Variants in DLG5 observed in about 807,000 individuals in gnomAD.
DLG5 encodes discs large MAGUK scaffold protein 5.
Under a neutral mutation model 189.8 loss-of-function variants are expected in DLG5, and 48 were observed. The ratio of observed to expected loss-of-function variants is 0.25; its 90% CI spans 0.20 to 0.32. The LOEUF is 0.32. Among genes scored for constraint, DLG5 ranks in the 10% least tolerant of loss-of-function variants. The pLI, the probability that DLG5 is intolerant of heterozygous loss-of-function variation, is 1.00. For synonymous variants in DLG5, 1,016 were observed against 1,054.1 expected (o/e 0.96, Z 0.70); for missense variants, 2,160 against 2,544.7 (o/e 0.85, Z 3.25).
chr10:77,939,286 C>A, the DLG5 span, among the ~76,000 whole-genome samples: 1 of 152,100 alleles, frequency 6.6e-6, no homozygotes, highest in African/African-American at 2.4e-5. Context: ...GCCCTGCCTG[C>A]CCTGCCGGTG....
chr10:77,889,743 T>C (rs757546423), intron 1 of DLG5, among the ~76,000 whole-genome samples: 2 of 152,058 alleles, frequency 1.3e-5, no homozygotes, highest in African/African-American at 4.8e-5. Context: ...CCCTCTGACA[T>C]TGGAGGGCAA....
At chr10:77,849,752 G>A (rs905732028) in intron 5 of DLG5, among the ~76,000 whole-genome samples, 1 of 152,260 alleles carries the variant, frequency 6.6e-6, no homozygotes, top group Admixed American at 6.5e-5. Flanking sequence ...AGGGGTGGGA[G>A]GGAGACCTCA....
chr10:77,936,209 G>T, the DLG5 span, among the ~76,000 whole-genome samples: 1 of 152,160 alleles, frequency 6.6e-6, no homozygotes, highest in African/African-American at 2.4e-5. Flanking sequence ...GGAGGCCAAG[G>T]CAGGTGGATC....
intron 2 of DLG5, chr10:77,868,126 C>T (rs1844760142): frequency 2.2e-6 from 1 of 455,374 alleles, no homozygotes; most frequent in South Asian, 1.5e-5. Context: ...CTTCTGTCCT[C>T]CAGAACTGTG....
intron 1 of DLG5, among the ~76,000 whole-genome samples, chr10:77,919,711 G>A (rs1276608231): frequency 1.3e-5 from 2 of 150,854 alleles, no homozygotes; most frequent in African/African-American, 4.9e-5. Context: ...CAGCGTGGGT[G>A]CTCCACATGG....
At chr10:77,858,812 T>C (rs1844357210) in intron 2 of DLG5, among the ~76,000 whole-genome samples, 1 of 152,164 alleles carries the variant, frequency 6.6e-6, no homozygotes, top group South Asian at 2.1e-4. Flanking sequence ...AAAAAGCCTA[T>C]AGAATAAGGA....
chr10:77,918,402 ACT>A (rs570223633), intron 1 of DLG5, among the ~76,000 whole-genome samples: 66 of 151,618 alleles, frequency 4.4e-4, no homozygotes, highest in African/African-American at 1.4e-3. Context: ...ACAGAGTGAG[ACT>A]CTGTATCAAA....
chr10:77,832,965 G>C (rs1483856837), intron 9 of DLG5, among the ~76,000 whole-genome samples: 1 of 152,022 alleles, frequency 6.6e-6, no homozygotes, highest in East Asian at 1.9e-4. Flanking sequence ...TTACTGAATG[G>C]GAAAGAAGAG....
chr10:77,915,198 G>C (rs934128875), intron 1 of DLG5, among the ~76,000 whole-genome samples: 1 of 152,050 alleles, frequency 6.6e-6, no homozygotes, highest in East Asian at 1.9e-4. Context: ...GCAGTGGCAG[G>C]CACCTGTAAT....
chr10:77,817,045 G>A lies in DLG5; in HGVS notation c.3836C>T (p.Thr1279Ile), dbSNP rs1187316993. The A allele has an allele frequency of 1.2e-6, 2 of 1,614,206 alleles. No homozygotes were observed. The highest frequency in any genetic ancestry group is 1.1e-5 in the South Asian group (1 of 91,078). ...FKAERIKIPSTPRYPRSVVGS... is the reference protein window; with the variant it reads ...FKAERIKIPSIPRYPRSVVGS... The stretch of plus-strand genomic sequence containing the variant: ...CACGACACTCCGCGGATATCTTGGT[G>A]TTGATGGGATTTTAATGCGTTCCGC... Residue 1279 changes from threonine to isoleucine, a missense_variant, in exon 19 of 32, where the codon ACA becomes ATA. Thr to Ile is a moderately conservative substitution (Grantham distance 89). Coordinates refer to ENST00000372391, the MANE Select transcript of DLG5 (RefSeq NM_004747.4).
chr10:77,876,054 A>G (rs936183961), intron 1 of DLG5, among the ~76,000 whole-genome samples: 1 of 152,092 alleles, frequency 6.6e-6, no homozygotes, highest in Non-Finnish European at 1.5e-5. Flanking sequence ...ATGCCACCCG[A>G]GGGTGGGAAA....
intron 1 of DLG5, among the ~76,000 whole-genome samples, chr10:77,917,163 C>A (rs111824848): frequency 1.3e-4 from 20 of 151,566 alleles, no homozygotes; most frequent in African/African-American, 4.8e-4. Flanking sequence ...GGCAAAGCCC[C>A]GTCTCTTAAA....
intron 17 of DLG5, 147 bp downstream of exon 17, chr10:77,819,174 C>G (rs1283882590): frequency 1.7e-6 from 2 of 1,156,896 alleles, no homozygotes; most frequent in African/African-American, 1.5e-5. Flanking sequence ...CCCTAAGGCT[C>G]CCTTTCCCTG....
chr10:77,854,885 AGGCTAACGT>A (rs1844156775), intron 3 of DLG5, among the ~76,000 whole-genome samples: 1 of 152,066 alleles, frequency 6.6e-6, no homozygotes, highest in Admixed American at 6.5e-5. Flanking sequence ...GCTACTCAGG[AGGCTAACGT>A]GGGAGGATCA....
intron 2 of DLG5, among the ~76,000 whole-genome samples, chr10:77,865,241 G>T (rs1330289467): frequency 6.6e-6 from 1 of 152,152 alleles, no homozygotes; most frequent in Non-Finnish European, 1.5e-5. Flanking sequence ...TGCCCCACAA[G>T]GAGGAGGCAT....
chr10:77,815,661 CA>C (rs912456613), intron 20 of DLG5, among the ~76,000 whole-genome samples: 1 of 150,842 alleles, frequency 6.6e-6, no homozygotes, highest in African/African-American at 2.4e-5. Flanking sequence ...AACTCTGTCT[CA>C]AAAAAAAATA....
At chr10:77,842,304 GT>G (rs1373601207) in intron 6 of DLG5, 111 bp from the exon 7 acceptor site, 7 of 1,329,552 alleles carry the variant, frequency 5.3e-6, no homozygotes, top group Non-Finnish European at 7.1e-6. Flanking sequence ...CAAGCGTGAA[GT>G]TTCAAGTGAA....
At chr10:77,836,883 CAA>C (rs200207944) in intron 7 of DLG5, among the ~76,000 whole-genome samples, 23 of 145,090 alleles carry the variant, frequency 1.6e-4, no homozygotes, top group African/African-American at 5.6e-4. Flanking sequence ...TTGCTATTTT[CAA>C]AAAAAAAAAT....
chr10:77,830,715 G>C (rs753340559), intron 10 of DLG5, 26 bp downstream of exon 10: 96 of 1,612,256 alleles, frequency 6.0e-5, no homozygotes, highest in Non-Finnish European at 8.0e-5. Flanking sequence ...CAGAGAAGGA[G>C]AGAAGAACCA....
Sources: allele counts gnomAD v4.1 joint callset (sites outside exome capture counted in the v4.1 genomes callset), GRCh38; gene constraint gnomAD v4.1.1; transcripts MANE v1.5; gene names NCBI Gene and HGNC (gene_info 2026-07-23, HGNC 2026-07-21).